The following DLGAP2 variants were observed in gnomAD, a reference collection of about 807,000 sequenced individuals.
DLGAP2 encodes DLG associated protein 2, also known as disks large-associated protein 2.
A neutral mutation model predicts 100.3 loss-of-function variants in DLGAP2; 26 were observed. The ratio of observed to expected loss-of-function variants is 0.26; its 90% CI spans 0.19 to 0.36. DLGAP2 has a LOEUF of 0.36. Ranked by LOEUF, DLGAP2 falls within the 10% of genes least tolerant of loss-of-function variation. DLGAP2 has a pLI of 1.00. For synonymous variants in DLGAP2, 886 were observed against 630.1 expected (o/e 1.41, Z -6.08); for missense variants, 1,858 against 1,453.2 (o/e 1.28, Z -4.53).
intron 2 of DLGAP2, among the ~76,000 whole-genome samples, chr8:1,252,120 A>C (rs1375171452): frequency 1.4e-5 from 2 of 144,598 alleles, no homozygotes; most frequent in African/African-American, 5.3e-5. Flanking sequence ...AAGTCATGTC[A>C]TGTCACACTT....
chr8:1,526,659 C>T (rs989869010), intron 4 of DLGAP2, among the ~76,000 whole-genome samples: 5 of 152,202 alleles, frequency 3.3e-5, no homozygotes, highest in African/African-American at 1.2e-4. Context: ...ACTCTGCCAT[C>T]CTTATTGGGT....
At chr8:1,360,856 G>C (rs1236095499) in intron 3 of DLGAP2, among the ~76,000 whole-genome samples, 1 of 152,246 alleles carries the variant, frequency 6.6e-6, no homozygotes, top group African/African-American at 2.4e-5. Flanking sequence ...ACGACGGTGA[G>C]ATCCAGACAG....
chr8:988,128 C>T (rs1449356719), intron 2 of DLGAP2, among the ~76,000 whole-genome samples: 4 of 152,050 alleles, frequency 2.6e-5, no homozygotes, highest in Non-Finnish European at 4.4e-5. Flanking sequence ...ATGGTTTTCA[C>T]GTTCTTATAG....
intron 2 of DLGAP2, among the ~76,000 whole-genome samples, chr8:1,030,820 A>G (rs1220588536): frequency 1.3e-5 from 2 of 152,188 alleles, no homozygotes; most frequent in South Asian, 4.1e-4. Context: ...GAAGGCAGCC[A>G]GCGGGGCCGC....
At chr8:786,615 C>T (rs1054250990) in intron 1 of DLGAP2, among the ~76,000 whole-genome samples, 2 of 151,992 alleles carry the variant, frequency 1.3e-5, no homozygotes, top group African/African-American at 4.8e-5. Context: ...ACCAGCGGCT[C>T]TTCGGGAGAG....
intron 2 of DLGAP2, among the ~76,000 whole-genome samples, chr8:1,024,707 C>T (rs1010131841): frequency 2.0e-5 from 3 of 152,198 alleles, no homozygotes; most frequent in African/African-American, 7.2e-5. Context: ...TCGTGAAGAA[C>T]TCACAGGCGC....
intron 1 of DLGAP2, among the ~76,000 whole-genome samples, chr8:768,038 T>C (rs1265028344): frequency 2.6e-5 from 4 of 152,348 alleles, no homozygotes; most frequent in Non-Finnish European, 4.4e-5. Context: ...TGAAGGAAGA[T>C]GTGCATTCTC....
At chr8:1,091,336 C>T (rs577584200) in intron 2 of DLGAP2, among the ~76,000 whole-genome samples, 80 of 152,342 alleles carry the variant, frequency 5.3e-4, no homozygotes, top group African/African-American at 1.2e-3. Context: ...TGTTCAGAAG[C>T]GTCTGCTGAG....
intron 3 of DLGAP2, among the ~76,000 whole-genome samples, chr8:1,459,859 T>C (rs879711192): frequency 6.6e-5 from 10 of 152,026 alleles, no homozygotes; most frequent in Admixed American, 5.2e-4. Context: ...CTAATTTTTG[T>C]GTTTTTAGTA....
rs537380075 is a variant in DLGAP2, at chr8:1,094,158, C to G, written c.74-164693C>G. Among the ~76,000 whole-genome samples the G allele has an allele frequency of 2.2e-3, 341 of 152,236 alleles. 3 individuals carry two copies. The highest frequency in any genetic ancestry group is 7.9e-3 in the African/African-American group (328 of 41,542). ...CAGTTTGTGCTTCTTGATGCCAGGG[C>G]CCATTTGGGAACAGAGCCCTGGGAG... On this transcript the variant is annotated intron_variant, in intron 2 of 14. Coordinates refer to ENST00000637795, the MANE Select transcript of DLGAP2 (RefSeq NM_001346810.2).
chr8:1,640,675 C>A (rs1436758644), intron 8 of DLGAP2, among the ~76,000 whole-genome samples: 1 of 152,106 alleles, frequency 6.6e-6, no homozygotes, highest in African/African-American at 2.4e-5. Context: ...AGGCTTGTAC[C>A]CGGGACTCGG....
At chr8:1,128,334 G>A (rs892120524) in intron 2 of DLGAP2, among the ~76,000 whole-genome samples, 6 of 150,338 alleles carry the variant, frequency 4.0e-5, no homozygotes, top group Non-Finnish European at 5.9e-5. Flanking sequence ...ACCTGCCCCC[G>A]GTGTTGTGTT....
chr8:1,443,363 C>T (rs1386342060), intron 3 of DLGAP2, among the ~76,000 whole-genome samples: 2 of 151,850 alleles, frequency 1.3e-5, no homozygotes, highest in African/African-American at 2.4e-5. Context: ...CAGAGATAAT[C>T]GCGGGTAACA....
chr8:1,294,573 T>C (rs1209591032), intron 3 of DLGAP2, among the ~76,000 whole-genome samples: 1 of 152,242 alleles, frequency 6.6e-6, no homozygotes, highest in Non-Finnish European at 1.5e-5. Flanking sequence ...ACCTGTGTCG[T>C]GGCATCACTG....
At chr8:876,908 AC>A (rs1376589914) in intron 1 of DLGAP2, among the ~76,000 whole-genome samples, 6 of 138,328 alleles carry the variant, frequency 4.3e-5, no homozygotes, top group African/African-American at 1.8e-4. Context: ...GTTGGAATCT[AC>A]AGTTAAACCC....
intron 3 of DLGAP2, among the ~76,000 whole-genome samples, chr8:1,368,472 C>T (rs1391173057): frequency 6.6e-6 from 1 of 152,070 alleles, no homozygotes; most frequent in Non-Finnish European, 1.5e-5. Flanking sequence ...CTCCCCTATG[C>T]TGTGCTCTGA....
At chr8:1,470,505 G>A (rs971118074) in intron 3 of DLGAP2, among the ~76,000 whole-genome samples, 4 of 152,166 alleles carry the variant, frequency 2.6e-5, no homozygotes, top group Middle Eastern at 3.4e-3. Flanking sequence ...TCACAGAATC[G>A]TTTAAATACA....
At chr8:1,584,250 T>A (rs1402777896) in intron 6 of DLGAP2, among the ~76,000 whole-genome samples, 1 of 152,196 alleles carries the variant, frequency 6.6e-6, no homozygotes, top group African/African-American at 2.4e-5. Context: ...GCGACGCCGA[T>A]AAAGTAATCC....
At chr8:1,356,891 G>A (rs1303379041) in intron 3 of DLGAP2, among the ~76,000 whole-genome samples, 1 of 152,192 alleles carries the variant, frequency 6.6e-6, no homozygotes, top group Non-Finnish European at 1.5e-5. Flanking sequence ...CGTCTTCAGG[G>A]TGTGCCCTTG....
Sources: allele counts gnomAD v4.1 joint callset (sites outside exome capture counted in the v4.1 genomes callset), GRCh38; gene constraint gnomAD v4.1.1; transcripts MANE v1.5; gene names NCBI Gene and HGNC (gene_info 2026-07-23, HGNC 2026-07-21).